The following TEX14 variants were observed in gnomAD, a reference collection of about 807,000 sequenced individuals.
The protein encoded by TEX14 is inactive serine/threonine-protein kinase TEX14.
In TEX14, 168 loss-of-function variants were observed where a neutral mutation model predicts 178.6. That is an observed-to-expected ratio of 0.94 (90% CI 0.83 to 1.07). TEX14 has a LOEUF of 1.07. Ranked by LOEUF, TEX14 falls within the 50% of genes least tolerant of loss-of-function variation. The pLI is 0.00. For synonymous variants in TEX14, 626 were observed against 634.1 expected (o/e 0.99, Z 0.19); for missense variants, 1,730 against 1,753.6 (o/e 0.99, Z 0.24).
chr17:58,596,656 G>A (rs907627791), intron 14 of TEX14, among the ~76,000 whole-genome samples: 1 of 151,852 alleles, frequency 6.6e-6, no homozygotes, highest in Non-Finnish European at 1.5e-5. Flanking sequence ...GGCCAAGGCG[G>A]GTGGATTGCT....
Position 58,572,080 on chromosome 17 carries a change from A to G in TEX14, c.3558T>C (p.Ser1186=). Reference sequence around the variant, plus strand: ...ACTCTGTCTTAACCTGAAATGTGATACTTTCAAGGCAGTCTTTATACTGAC... The same window carrying G: ...ACTCTGTCTTAACCTGAAATGTGATGCTTTCAAGGCAGTCTTTATACTGAC... The part of the protein sequence containing the change: ...AASQYKDCLE[S]ITFQVKTEFA... The change falls in exon 24 of 32, where the codon AGT becomes AGC. Residue 1186 remains serine, a synonymous_variant. Coordinates refer to ENST00000349033, the MANE Select transcript of TEX14 (RefSeq NM_031272.5). The G allele has an allele frequency of 6.2e-7, 1 of 1,614,134 alleles. No homozygotes were observed. Among genetic ancestry groups the G allele is most frequent in the Non-Finnish European group, 8.5e-7 (1 of 1,179,994 alleles).
rs530100187 is a variant in TEX14 at position 58,635,083 on chromosome 17, G to A, written c.137-4529C>T. ...GAAGGTGGAAGTTGCAGTGAGCTGAGATCTCAACATTGCACTCCAGCCCGG... is the reference window on the plus strand; with the variant it reads ...GAAGGTGGAAGTTGCAGTGAGCTGAAATCTCAACATTGCACTCCAGCCCGG... On this transcript the variant is annotated intron_variant, in intron 2 of 31. Coordinates refer to ENST00000349033, the MANE Select transcript of TEX14 (RefSeq NM_031272.5). 1.1e-4 allele frequency among the ~76,000 whole-genome samples: 16 copies of A among 151,134 alleles called. No homozygotes were observed. In the South Asian group the frequency reaches 1.5e-3, roughly 14 times the overall value.
intron 29 of TEX14, 74 bp from the exon 30 acceptor site, chr17:58,559,636 AAAAC>A (rs1440496400): frequency 4.1e-6 from 3 of 730,596 alleles, no homozygotes; most frequent in East Asian, 2.5e-5. Context: ...CTCAAAACAA[AAAAC>A]AAACAACAAC....
chr17:58,681,422 T>C (rs1236684706), intron 1 of TEX14, among the ~76,000 whole-genome samples: 1 of 152,158 alleles, frequency 6.6e-6, no homozygotes, highest in East Asian at 1.9e-4. Flanking sequence ...GTTCTGACAG[T>C]CTATCAGTTT....
At chr17:58,634,128 T>C (rs1051455404) in intron 2 of TEX14, among the ~76,000 whole-genome samples, 1 of 151,282 alleles carries the variant, frequency 6.6e-6, no homozygotes, top group Non-Finnish European at 1.5e-5. Flanking sequence ...TAAGAAGAAA[T>C]TGGGCTGGGT....
chr17:58,565,040 T>G, intron 27 of TEX14, 72 bp from the exon 28 acceptor site: 1 of 994,776 alleles, frequency 1.0e-6, no homozygotes, highest in Non-Finnish European at 1.5e-6. Flanking sequence ...TAAAATAGAG[T>G]GCAAAAATTA....
At position 58,584,606 on chromosome 17, in the gene TEX14, G is replaced by T. The variant is rs781735296; in HGVS notation, c.3071-6C>A. ...GGGAGATGGGTGCCTGATACCTAAT[G>T]ATTGTAACACAGTCAGGGTCAAAGT... On this transcript the variant is annotated splice_region_variant and splice_polypyrimidine_tract_variant and intron_variant, in intron 18 of 31. Transcript: ENST00000349033. 3 of 1,605,802 alleles carry T rather than the reference G, an allele frequency of 1.9e-6. No homozygotes were observed. Among genetic ancestry groups the T allele is most frequent in the Non-Finnish European group, 1.7e-6 (2 of 1,172,408 alleles).
intron 28 of TEX14, among the ~76,000 whole-genome samples, 189 bp from the exon 29 acceptor site, chr17:58,561,801 A>C (rs1442825955): frequency 6.6e-6 from 1 of 152,168 alleles, no homozygotes; most frequent in African/African-American, 2.4e-5. Flanking sequence ...TGAAATATGC[A>C]CTGGTCGGGT....
At chr17:58,675,177 C>T (rs2047375892) in intron 1 of TEX14, 1 of 151,714 alleles carries the variant, frequency 6.6e-6, no homozygotes, top group South Asian at 2.1e-4. Flanking sequence ...AGCCAATAAG[C>T]ACACGAAAAT....
Position 58,651,962 on chromosome 17 carries a change from G to A in TEX14, c.40C>T (p.Gln14Ter). 6.2e-7 allele frequency: 1 copy of A among 1,612,826 alleles called. No individual in the cohort carries two copies. The highest frequency in any genetic ancestry group is 8.5e-7 in the Non-Finnish European group (1 of 1,179,688). The change falls in exon 2 of 32, where the codon CAA (glutamine) becomes TAA (stop). Residue 14 changes from glutamine (Q) to a stop codon, truncating the protein, a stop_gained. Transcript: ENST00000349033. LOFTEE classifies it high-confidence loss of function. ...GAGTCATTTCTTAAGGTACCAAGTT[G>A]AACAGGACAGGGGACTGGAAGACGA... ...AVRLPVPCPV[Q>*]LGTLRNDSLE... is the part of the protein sequence containing the mutation.
chr17:58,612,509 T>C (rs2045769723), intron 9 of TEX14, among the ~76,000 whole-genome samples: 1 of 151,804 alleles, frequency 6.6e-6, no homozygotes, highest in Non-Finnish European at 1.5e-5. Flanking sequence ...CTGAGACAGG[T>C]GAATCGCCTG....
At chr17:58,669,058 AG>A (rs947477856) in intron 1 of TEX14, among the ~76,000 whole-genome samples, 26 of 152,182 alleles carry the variant, frequency 1.7e-4, no homozygotes, top group Non-Finnish European at 3.7e-4. Context: ...TGTGTAAAAA[AG>A]GGGGAGACAA....
chr17:58,660,502 A>T (rs1371596359), intron 1 of TEX14: 3 of 705,282 alleles, frequency 4.3e-6, no homozygotes, highest in Non-Finnish European at 7.8e-6. Flanking sequence ...AGGGGAGCTC[A>T]GGGAGGGGAA....
rs769355439 is a variant in TEX14 at position 58,574,228 on chromosome 17, C to G, written c.3342G>C (p.Glu1114Asp). The G allele has an allele frequency of 6.2e-7, 1 of 1,613,480 alleles. No individual in the cohort carries two copies. Among genetic ancestry groups the G allele is most frequent in the Non-Finnish European group, 8.5e-7 (1 of 1,179,526 alleles). ...GTTCCTTTGGTGACTCCTTTGATGT[C>G]TCTTCTTGTTCATCTTCAGTACTGT... ...PVRSTEDEQE[E>D]TSKESPKELK... Residue 1114 changes from glutamate (E) to aspartate (D), a missense_variant, in exon 22 of 32, where the codon GAG becomes GAC. Transcript: ENST00000349033.
Position 58,647,091 on chromosome 17 carries a change from G to C in TEX14, c.136+4775C>G, listed in dbSNP as rs2046992368. Reference sequence around the variant, plus strand: ...TATTTTATGTTTTTAGTAGAGATGGGGTTTCACCATGTTGGCCAGGATGGT... The same window carrying C: ...TATTTTATGTTTTTAGTAGAGATGGCGTTTCACCATGTTGGCCAGGATGGT... On this transcript the variant is annotated intron_variant, in intron 2 of 31. Coordinates refer to ENST00000349033, the MANE Select transcript of TEX14 (RefSeq NM_031272.5). 2.6e-5 allele frequency among the ~76,000 whole-genome samples: 4 copies of C among 151,546 alleles called. No individual in the cohort carries two copies. The South Asian group carries it at 6.3e-4, about 24-fold the overall frequency.
chr17:58,661,106 T>C (rs754767426), intron 1 of TEX14: 5 of 933,186 alleles, frequency 5.4e-6, no homozygotes, highest in African/African-American at 1.6e-5. Flanking sequence ...CTTCTTCTGC[T>C]TGTATCGCTC....
chr17:58,680,368 T>C (rs980836895), intron 1 of TEX14, among the ~76,000 whole-genome samples: 4 of 152,210 alleles, frequency 2.6e-5, no homozygotes, highest in African/African-American at 9.6e-5. Flanking sequence ...CATGCTTACA[T>C]ACAAAATGCT....
Position 58,583,412 on chromosome 17 carries a change from T to G in TEX14, c.3171+1088A>C, listed in dbSNP as rs1302349238. 2.6e-5 allele frequency among the ~76,000 whole-genome samples: 4 copies of G among 151,986 alleles called. No homozygotes were observed. The East Asian group carries it at 7.7e-4, about 29-fold the overall frequency. On this transcript the variant is annotated intron_variant, in intron 19 of 31. Transcript: ENST00000349033. ...TCCCAAAGGGCTGGGATTACAGGAGTGAGCCACTGCACTCAGCTGATTTTT... is the reference window on the plus strand; with the variant it reads ...TCCCAAAGGGCTGGGATTACAGGAGGGAGCCACTGCACTCAGCTGATTTTT...
intron 10 of TEX14, among the ~76,000 whole-genome samples, chr17:58,607,733 A>G (rs2045643237): frequency 6.6e-6 from 1 of 152,108 alleles, no homozygotes; most frequent in African/African-American, 2.4e-5. Context: ...AAAAGTGCAC[A>G]CCCTTTAGCG....
Sources: gnomAD v4.1 joint callset for allele counts (sites outside exome capture counted in the v4.1 genomes callset) on GRCh38, gnomAD v4.1.1 for gene constraint, MANE v1.5 for transcripts, NCBI Gene and HGNC (gene_info 2026-07-23, HGNC 2026-07-21) for gene names.